GABBR2: variants seen among roughly 807,000 people sequenced by gnomAD.
The protein encoded by GABBR2 is G-protein coupled receptor 51.
In GABBR2, 23 loss-of-function variants were observed where a neutral mutation model predicts 105.6. The observed-to-expected ratio is 0.22, with a 90% confidence interval of 0.16 to 0.31. The LOEUF (loss-of-function observed/expected upper bound fraction) is 0.31. Among genes scored for constraint, GABBR2 ranks in the 10% least tolerant of loss-of-function variants. GABBR2 has a pLI of 1.00. For synonymous variants in GABBR2, 478 were observed against 499.7 expected (o/e 0.96, Z 0.58); for missense variants, 734 against 1,245.5 (o/e 0.59, Z 6.18).
At chr9:98,631,122 C>A (rs1303040638) in intron 1 of GABBR2, among the ~76,000 whole-genome samples, 1 of 152,106 alleles carries the variant, frequency 6.6e-6, no homozygotes, top group Non-Finnish European at 1.5e-5. Context: ...CAGACTAATT[C>A]TTGACTCAGA....
At chr9:98,450,915 G>A (rs2131599250) in intron 7 of GABBR2, among the ~76,000 whole-genome samples, 1 of 152,280 alleles carries the variant, frequency 6.6e-6, no homozygotes, top group East Asian at 1.9e-4. Context: ...AGATCTATCA[G>A]GCACCTAGGC....
intron 11 of GABBR2, among the ~76,000 whole-genome samples, chr9:98,373,409 CCCTTAA>C (rs1203479580): frequency 2.2e-4 from 34 of 152,196 alleles, no homozygotes; most frequent in African/African-American, 7.7e-4. Context: ...CAAGATAGTT[CCCTTAA>C]CCATGCCACA....
rs538385865 is a variant in GABBR2 at position 98,374,535 on chromosome 9, A to G, written c.1663-2964T>C. ...TGTGCCTGAACTGGTTGTGCAAACA[A>G]CGTGGTTTATGCTGAACACTGCCTT... is the stretch of plus-strand genomic sequence containing the variant. On this transcript the variant is annotated intron_variant, in intron 11 of 18. Transcript: ENST00000259455. Among the ~76,000 whole-genome samples, 10 of 152,336 alleles carry G rather than the reference A, an allele frequency of 6.6e-5. No individual in the cohort carries two copies. In the South Asian group the frequency reaches 2.1e-3, roughly 32 times the overall value.
At chr9:98,586,493 T>A (rs1481014200) in intron 1 of GABBR2, among the ~76,000 whole-genome samples, 1 of 152,092 alleles carries the variant, frequency 6.6e-6, no homozygotes, top group Non-Finnish European at 1.5e-5. Context: ...AGAGACGAGG[T>A]TCTGCCATGT....
chr9:98,467,982 G>A (rs139531547), intron 6 of GABBR2, among the ~76,000 whole-genome samples: 123 of 152,334 alleles, frequency 8.1e-4, no homozygotes, highest in Non-Finnish European at 1.3e-3. Flanking sequence ...TGAAATCACC[G>A]ATGTCAAGTC....
At chr9:98,484,289 C>T (rs1447049428) in intron 4 of GABBR2, among the ~76,000 whole-genome samples, 5 of 152,120 alleles carry the variant, frequency 3.3e-5, no homozygotes, top group Non-Finnish European at 5.9e-5. Context: ...GGATGGGGCC[C>T]GTGGGATCCC....
intron 7 of GABBR2, among the ~76,000 whole-genome samples, chr9:98,442,256 C>CT (rs1826045579): frequency 6.6e-6 from 1 of 152,208 alleles, no homozygotes; most frequent in Admixed American, 6.5e-5. Flanking sequence ...TGGGGCCTGG[C>CT]TTCAGCCTTG....
At chr9:98,702,435 C>T (rs1395835696) in intron 1 of GABBR2, among the ~76,000 whole-genome samples, 2 of 152,154 alleles carry the variant, frequency 1.3e-5, no homozygotes, top group Non-Finnish European at 2.9e-5. Context: ...CCAGCCCCTC[C>T]GACTCCAGGC....
In GABBR2 at chr9:98,496,434, A is replaced by G. The variant is rs1402783715; in HGVS notation, c.711T>C (p.Cys237=). 2 of 1,610,022 alleles carry G rather than the reference A, an allele frequency of 1.2e-6. No individual in the cohort carries two copies. The highest frequency in any genetic ancestry group is 1.7e-6 in the Non-Finnish European group (2 of 1,176,570). Reference sequence around the variant, plus strand: ...CTACCTTCAGCTTTTTGACACTGGTACAGGGATCGTTGGAGAAGCTCTCGG... The same window carrying G: ...CTACCTTCAGCTTTTTGACACTGGTGCAGGGATCGTTGGAGAAGCTCTCGG... ...SDTESFSNDP[C]TSVKKLKGND... The change falls in exon 4 of 19, where the codon TGT becomes TGC. Residue 237 remains cysteine, a synonymous_variant. Coordinates refer to ENST00000259455, the MANE Select transcript of GABBR2 (RefSeq NM_005458.8).
chr9:98,563,319 C>T (rs138172163), intron 2 of GABBR2, among the ~76,000 whole-genome samples: 17 of 152,260 alleles, frequency 1.1e-4, no homozygotes, highest in African/African-American at 2.6e-4. Flanking sequence ...ACAAAGGAGA[C>T]GCTGCCTCGA....
chr9:98,469,325 C>T (rs775762895), intron 6 of GABBR2, among the ~76,000 whole-genome samples: 4 of 152,112 alleles, frequency 2.6e-5, no homozygotes, highest in African/African-American at 4.8e-5. Context: ...AACCAGATCT[C>T]GTGAGAACTC....
intron 13 of GABBR2, among the ~76,000 whole-genome samples, chr9:98,341,897 C>A (rs916687010): frequency 9.2e-5 from 14 of 152,124 alleles, no homozygotes; most frequent in African/African-American, 3.4e-4. Context: ...TGGGCCCAGA[C>A]AGATGGGTTG....
intron 5 of GABBR2, 112 bp from the exon 6 acceptor site, chr9:98,473,458 T>C (rs544278189): frequency 4.5e-5 from 30 of 663,742 alleles, no homozygotes; most frequent in Non-Finnish European, 7.4e-5. Flanking sequence ...ATTTAGGAAA[T>C]GTTTAATTAC....
intron 1 of GABBR2, among the ~76,000 whole-genome samples, chr9:98,618,614 C>T (rs2131819665): frequency 6.6e-6 from 1 of 152,108 alleles, no homozygotes; most frequent in Admixed American, 6.5e-5. Context: ...ATGCTTCTAT[C>T]TCTCTTTCTG....
intron 17 of GABBR2, among the ~76,000 whole-genome samples, chr9:98,296,174 G>A (rs1564005914): frequency 6.6e-6 from 1 of 152,120 alleles, no homozygotes; most frequent in Non-Finnish European, 1.5e-5. Flanking sequence ...ATGAGGTTAG[G>A]GCCCTTACAA....
rs566418732 is a variant in GABBR2 at position 98,634,083 on chromosome 9, G to A, written c.322-56011C>T. Among the ~76,000 whole-genome samples, 188 of 152,288 alleles carry A rather than the reference G, an allele frequency of 1.2e-3. 2 individuals carry two copies. Among genetic ancestry groups the A allele is most frequent in the African/African-American group, 4.4e-3 (181 of 41,560 alleles). ...CCAGGGAAGTGCAGTGGAGCCTTAAGTTGGGACCCCAACAGCATGCACGAG... is the reference window on the plus strand; with the variant it reads ...CCAGGGAAGTGCAGTGGAGCCTTAAATTGGGACCCCAACAGCATGCACGAG... On this transcript the variant is annotated intron_variant, in intron 1 of 18. Coordinates refer to ENST00000259455, the MANE Select transcript of GABBR2 (RefSeq NM_005458.8).
At chr9:98,607,244 T>A (rs1829439194) in intron 1 of GABBR2, 19 of 1,335,114 alleles carry the variant, frequency 1.4e-5, no homozygotes, top group Admixed American at 1.2e-4. Flanking sequence ...ATAATAAACT[T>A]GAGGACTACG....
chr9:98,552,912 T>C (rs1427386131), intron 2 of GABBR2, among the ~76,000 whole-genome samples: 2 of 152,082 alleles, frequency 1.3e-5, no homozygotes, highest in Non-Finnish European at 2.9e-5. Context: ...GGTCTCACTC[T>C]GTCACCCAGA....
At chr9:98,588,911 AC>A (rs777786259) in intron 1 of GABBR2, among the ~76,000 whole-genome samples, 10 of 151,914 alleles carry the variant, frequency 6.6e-5, no homozygotes, top group Non-Finnish European at 1.3e-4. Context: ...ACAGGAAGAA[AC>A]CCCCCAGATC....
Sources: gnomAD v4.1 joint callset for allele counts (sites outside exome capture counted in the v4.1 genomes callset) on GRCh38, gnomAD v4.1.1 for gene constraint, MANE v1.5 for transcripts, NCBI Gene and HGNC (gene_info 2026-07-23, HGNC 2026-07-21) for gene names.